Variants in TBC1D32 observed in about 807,000 individuals in gnomAD.
The protein encoded by TBC1D32 is TBC1 domain family member 32.
A neutral mutation model predicts 170.3 loss-of-function variants in TBC1D32; 151 were observed. The observed-to-expected ratio is 0.89, with a 90% CI of 0.78 to 1.01. The LOEUF is 1.01. Ranked by LOEUF, TBC1D32 falls within the 50% of genes least tolerant of loss-of-function variation. The pLI is 0.00. For missense variants in TBC1D32, 1,464 were observed against 1,457.1 expected, an observed-to-expected ratio of 1.00 and a Z score of -0.08; for synonymous variants, 498 against 488.0, an observed-to-expected ratio of 1.02 and a Z score of -0.27.
At chr6:121,110,185 A>G (rs1379265891) in intron 29 of TBC1D32, among the ~76,000 whole-genome samples, 1 of 151,168 alleles carries the variant, frequency 6.6e-6, no homozygotes, top group Non-Finnish European at 1.5e-5. Context: ...CAGGAGGCGG[A>G]GCTTGCAGTG....
At chr6:121,197,394 G>A (rs1281038269) in intron 22 of TBC1D32, among the ~76,000 whole-genome samples, 1 of 152,196 alleles carries the variant, frequency 6.6e-6, no homozygotes, top group African/African-American at 2.4e-5. Context: ...TGGGTAGTAG[G>A]AGAAGGTAGT....
chr6:121,080,530 C>A lies in TBC1D32; in HGVS notation c.*241G>T. 2.4e-6 allele frequency: 1 copy of A among 416,376 alleles called. No homozygotes were observed. The highest frequency in any genetic ancestry group is 5.2e-5 in the East Asian group (1 of 19,408). 25.8% of individuals were successfully genotyped at this position (416,376 alleles called of 1,614,324 possible). On this transcript the variant is annotated 3_prime_UTR_variant, in exon 32 of 32. Coordinates refer to ENST00000398212, the MANE Select transcript of TBC1D32 (RefSeq NM_152730.6). Reference sequence around the variant, plus strand: ...CGCCTGGCCAGGACTAACTCTTAAACATGAATAAGAACTAAAAGTAAGCTA... The same window carrying A: ...CGCCTGGCCAGGACTAACTCTTAAAAATGAATAAGAACTAAAAGTAAGCTA...
intron 22 of TBC1D32, among the ~76,000 whole-genome samples, chr6:121,192,877 A>T (rs1790247978): frequency 6.6e-6 from 1 of 152,142 alleles, no homozygotes; most frequent in Non-Finnish European, 1.5e-5. Context: ...GCTACCTAAG[A>T]CAACAATGAT....
chr6:121,100,974 C>T (rs1460938814), intron 30 of TBC1D32, among the ~76,000 whole-genome samples: 1 of 152,090 alleles, frequency 6.6e-6, no homozygotes, highest in African/African-American at 2.4e-5. Context: ...TACAAATAAA[C>T]TAGAAAATCT....
chr6:121,249,206 AATTATT>A (rs143137790), intron 17 of TBC1D32, among the ~76,000 whole-genome samples: 43 of 150,988 alleles, frequency 2.8e-4, no homozygotes, highest in African/African-American at 2.7e-4. Context: ...AAAACAATAA[AATTATT>A]ATTATTATTA....
At chr6:121,133,288 A>G (rs1211406503) in intron 24 of TBC1D32, among the ~76,000 whole-genome samples, 1 of 151,996 alleles carries the variant, frequency 6.6e-6, no homozygotes, top group Non-Finnish European at 1.5e-5. Context: ...TTAAAAATCA[A>G]AGAAGCTTTC....
At chr6:121,320,474 T>G (rs952166272) in intron 2 of TBC1D32, among the ~76,000 whole-genome samples, 3 of 152,140 alleles carry the variant, frequency 2.0e-5, no homozygotes, top group African/African-American at 7.2e-5. Flanking sequence ...AACCGTCTAA[T>G]AAAGTATTTT....
chr6:121,253,394 C>A (rs932405370), intron 17 of TBC1D32, among the ~76,000 whole-genome samples: 1 of 151,976 alleles, frequency 6.6e-6, no homozygotes, highest in Admixed American at 6.6e-5. Context: ...CAAATTAAAA[C>A]CACTTATTCC....
chr6:121,198,180 C>A (rs1791012101), intron 22 of TBC1D32, among the ~76,000 whole-genome samples: 2 of 132,650 alleles, frequency 1.5e-5, no homozygotes, highest in African/African-American at 2.8e-5. Flanking sequence ...TACACATATC[C>A]CTTTGTGTAT....
chr6:121,119,703 A>G (rs1780058309), intron 26 of TBC1D32, among the ~76,000 whole-genome samples: 1 of 152,134 alleles, frequency 6.6e-6, no homozygotes, highest in African/African-American at 2.4e-5. Context: ...ACAAACTGCA[A>G]ATGTGCAGAA....
At chr6:121,202,359 A>C (rs377564560) in intron 22 of TBC1D32, among the ~76,000 whole-genome samples, 2 of 149,958 alleles carry the variant, frequency 1.3e-5, no homozygotes, top group East Asian at 3.9e-4. Flanking sequence ...AGAATTTTTC[A>C]CACAGGAAAA....
chr6:121,082,551 T>C (rs1227984019), intron 31 of TBC1D32, among the ~76,000 whole-genome samples: 1 of 151,974 alleles, frequency 6.6e-6, no homozygotes, highest in Non-Finnish European at 1.5e-5. Context: ...AGAAGAACTG[T>C]TTCAGGACAT....
At chr6:121,185,003 C>T (rs759979715) in intron 22 of TBC1D32, among the ~76,000 whole-genome samples, 22 of 151,696 alleles carry the variant, frequency 1.5e-4, no homozygotes, top group Admixed American at 4.0e-4. Context: ...TCTCAGAGGA[C>T]CATGTATATA....
At chr6:121,104,918 C>T (rs1778533918) in intron 30 of TBC1D32, among the ~76,000 whole-genome samples, 1 of 151,666 alleles carries the variant, frequency 6.6e-6, no homozygotes, top group African/African-American at 2.4e-5. Context: ...GCAAACTCAT[C>T]TCAAAGTATA....
chr6:121,142,941 G>A (rs1782983853), intron 24 of TBC1D32, among the ~76,000 whole-genome samples: 1 of 152,110 alleles, frequency 6.6e-6, no homozygotes, highest in African/African-American at 2.4e-5. Flanking sequence ...ATGCTAACTG[G>A]TACTTGCTTT....
At chr6:121,159,148 A>G (rs973209787) in intron 24 of TBC1D32, among the ~76,000 whole-genome samples, 1 of 152,220 alleles carries the variant, frequency 6.6e-6, no homozygotes, top group Non-Finnish European at 1.5e-5. Context: ...CTTCTTTGGA[A>G]GAGTATCCTG....
rs752974064 is a variant in TBC1D32, at chr6:121,256,279, T to A, written c.1740A>T (p.Thr580=). The change falls in exon 16 of 32, where the codon ACA becomes ACT. Residue 580 remains threonine (T), a synonymous_variant. Transcript: ENST00000398212. ...ANMNSSEESP[T]GAHIIAQFSK... ...AAAACTGGGCAATTATATGAGCACC[T>A]GTAGGACTAAAAGATGATACCTGAA... The A allele has an allele frequency of 1.2e-6, 2 of 1,609,278 alleles. No individual in the cohort carries two copies. Among genetic ancestry groups the A allele is most frequent in the South Asian group, 2.2e-5 (2 of 90,350 alleles).
chr6:121,091,886 G>A (rs1023418190), intron 30 of TBC1D32, among the ~76,000 whole-genome samples: 1 of 152,122 alleles, frequency 6.6e-6, no homozygotes, highest in Non-Finnish European at 1.5e-5. Flanking sequence ...TACGACTGGT[G>A]TCTTTATAAG....
intron 15 of TBC1D32, among the ~76,000 whole-genome samples, chr6:121,270,464 C>G (rs1415329644): frequency 2.0e-5 from 3 of 152,098 alleles, no homozygotes; most frequent in Admixed American, 2.0e-4. Context: ...AAACTACCAT[C>G]AGAGAATACT....
Sources: allele counts gnomAD v4.1 joint callset (sites outside exome capture counted in the v4.1 genomes callset), GRCh38; gene constraint gnomAD v4.1.1; transcripts MANE v1.5; gene names NCBI Gene and HGNC (gene_info 2026-07-23, HGNC 2026-07-21).